The following TXNL4B variants were observed in gnomAD, a reference collection of about 807,000 sequenced individuals.
TXNL4B encodes thioredoxin like 4B.
A neutral mutation model predicts 13.0 loss-of-function variants in TXNL4B; 12 were observed. That is an observed-to-expected ratio of 0.92 (90% CI 0.59 to 1.49). The LOEUF (loss-of-function observed/expected upper bound fraction) is 1.49, where lower values mean the gene tolerates loss of function less well. Ranked by LOEUF, TXNL4B falls within the 40% of genes most tolerant of loss-of-function variation. The pLI, the probability that TXNL4B is intolerant of heterozygous loss-of-function variation, is 0.00. For missense variants in TXNL4B, 214 were observed against 173.6 expected (o/e 1.23, Z -1.31); for synonymous variants, 59 against 58.9 (o/e 1.00, Z -0.01).
rs376797075 is a variant in TXNL4B at position 72,088,121 on chromosome 16, GC to G, written c.284+865del. On this transcript the variant is annotated intron_variant, in intron 3 of 3. Transcript: ENST00000268483. ...CGCGTGAGCCACTGCGCCTGGCCAT[GC>G]CTGGCTAATTTTTGTATTTTTAGTA... is the stretch of plus-strand genomic sequence containing the variant. Among the ~76,000 whole-genome samples the G allele has an allele frequency of 7.2e-4, 109 of 151,962 alleles. 1 individual carries two copies. The South Asian group carries it at 0.022, about 31-fold the overall frequency.
chr16:72,086,140 G>A lies in TXNL4B; in HGVS notation c.*497C>T, dbSNP rs538699326. The A allele has an allele frequency of 6.5e-6, 1 of 152,712 alleles. No individual in the cohort carries two copies. Among genetic ancestry groups the A allele is most frequent in the South Asian group, 2.1e-4 (1 of 4,838 alleles). The allele number at this position is 152,712 out of a possible 1,614,324, so 9.5% of individuals were successfully genotyped here. ...CTACAGTAATACAGACTGGAGATGG[G>A]AAAGCACGAGGGATGTATGAGTCGA... On this transcript the variant is annotated 3_prime_UTR_variant, in exon 4 of 4. Coordinates refer to ENST00000268483, the MANE Select transcript of TXNL4B (RefSeq NM_017853.3).
chr16:72,086,629 T>A lies in TXNL4B; in HGVS notation c.*8A>T, dbSNP rs763009457. ...CCTTCTTCTTCATCTTTGACAGCAA[T>A]TAATGTACTAAATGTCTTGATAGAG... On this transcript the variant is annotated 3_prime_UTR_variant, in exon 4 of 4. Transcript: ENST00000268483. 1 of 1,607,942 alleles carries A rather than the reference T, an allele frequency of 6.2e-7. No homozygotes were observed. The highest frequency in any genetic ancestry group is 1.7e-4 in the Middle Eastern group (1 of 6,036).
At chr16:72,089,987 T>C (rs152828) in intron 2 of TXNL4B, 386,564 of 419,872 alleles carry the variant, frequency 0.92, 178,257 homozygotes, top group East Asian at 0.98. Context: ...TTCCTCCTGC[T>C]TATGACTGAG....
chr16:72,087,689 G>A (rs902768020), intron 3 of TXNL4B, among the ~76,000 whole-genome samples: 34 of 151,716 alleles, frequency 2.2e-4, no homozygotes, highest in African/African-American at 8.2e-4. Flanking sequence ...GTTTTGCGAT[G>A]GAGCCTTGCT....
chr16:72,090,751 T>G lies in TXNL4B; in HGVS notation c.-2A>C. 1 of 1,614,136 alleles carries G rather than the reference T, an allele frequency of 6.2e-7. No individual in the cohort carries two copies. Among genetic ancestry groups the G allele is most frequent in the Non-Finnish European group, 8.5e-7 (1 of 1,180,020 alleles). On this transcript the variant is annotated 5_prime_UTR_variant, in exon 2 of 4. Coordinates refer to ENST00000268483, the MANE Select transcript of TXNL4B (RefSeq NM_017853.3). Reference sequence around the variant, plus strand: ...CAGCTTGGGCAGTAGGAAGCTCATCTTGAAATAACCCAAATGTGAATCCTC... The same window carrying G: ...CAGCTTGGGCAGTAGGAAGCTCATCGTGAAATAACCCAAATGTGAATCCTC...
rs374817780 is a variant in TXNL4B, at chr16:72,085,992, A to G, written c.*645T>C. 4 of 148,392 alleles carry G rather than the reference A, an allele frequency of 2.7e-5. No individual in the cohort carries two copies. The highest frequency in any genetic ancestry group is 1.0e-4 in the African/African-American group (4 of 40,066). 9.2% of individuals were successfully genotyped at this position (148,392 alleles called of 1,614,324 possible). A position where few individuals can be genotyped will look rare whatever the true frequency, so the allele number is the denominator to read the frequency against. ...CACTCCAGCCTGGGTGACAAGAGTG[A>G]CTCGGTCTCAAAAAAAAAAAAAAAA... On this transcript the variant is annotated 3_prime_UTR_variant, in exon 4 of 4. Transcript: ENST00000268483.
rs1261582289 is a variant in TXNL4B at position 72,093,616 on chromosome 16, A to C, written c.-287T>G. 6.6e-6 allele frequency: 1 copy of C among 150,534 alleles called. No individual in the cohort carries two copies. The highest frequency in any genetic ancestry group is 1.5e-5 in the Non-Finnish European group (1 of 67,884). 9.3% of individuals were successfully genotyped at this position (150,534 alleles called of 1,614,324 possible). On this transcript the variant is annotated 5_prime_UTR_variant, in exon 1 of 4. Coordinates refer to ENST00000268483, the MANE Select transcript of TXNL4B (RefSeq NM_017853.3). ...GTCGGCCCCCGCTCAACAGCCCAAT[A>C]AACGGAAGAGCTTCTAGTCACCGCC...
Position 72,089,139 on chromosome 16 carries a change from C to T in TXNL4B, c.133-1G>A. On this transcript the variant is annotated splice_acceptor_variant, in intron 2 of 3. Transcript: ENST00000268483. LOFTEE classifies it high-confidence loss of function. ...TTAAGTCAGAAGAGGTCTTAGAAAG[C>T]TGCAAATGACGAGAGAGACAAAGGT... 6.2e-7 allele frequency: 1 copy of T among 1,604,598 alleles called. No individual in the cohort carries two copies. Among genetic ancestry groups the T allele is most frequent in the Non-Finnish European group, 8.5e-7 (1 of 1,174,392 alleles).
chr16:72,093,952 G>A (rs896993488), upstream of TXNL4B: 2 of 152,362 alleles, frequency 1.3e-5, no homozygotes, highest in Non-Finnish European at 2.9e-5. Flanking sequence ...CCGCTTTCAA[G>A]GTGTGGATTT....
chr16:72,089,353 T>C (rs1447965937), intron 2 of TXNL4B, among the ~76,000 whole-genome samples: 1 of 152,170 alleles, frequency 6.6e-6, no homozygotes, highest in Non-Finnish European at 1.5e-5. Flanking sequence ...GAAAACTGTA[T>C]GAGGTTAGGA....
intron 1 of TXNL4B, among the ~76,000 whole-genome samples, chr16:72,091,313 G>C (rs1434342899): frequency 6.6e-6 from 1 of 152,168 alleles, no homozygotes; most frequent in African/African-American, 2.4e-5. Flanking sequence ...AAAGAGGTGA[G>C]TGGAGAGGAC....
Position 72,090,651 on chromosome 16 carries a change from A to G in TXNL4B, c.99T>C (p.Asp33=). The change falls in exon 2 of 4, where the codon GAT becomes GAC. Residue 33 remains aspartate (D), a synonymous_variant. Coordinates refer to ENST00000268483, the MANE Select transcript of TXNL4B (RefSeq NM_017853.3). ...EKVLVLRFGR[D]EDPVCLQLDD... is the part of the protein sequence containing the mutation. ...CTAGCTGCAGACAGACAGGATCTTC[A>G]TCTCTCCCAAACCTGAGAACCAACA... 2.5e-6 allele frequency: 4 copies of G among 1,614,184 alleles called. No homozygotes were observed. Among genetic ancestry groups the G allele is most frequent in the Non-Finnish European group, 2.5e-6 (3 of 1,180,020 alleles).
At chr16:72,088,312 A>T (rs2041853294) in intron 3 of TXNL4B, among the ~76,000 whole-genome samples, 1 of 152,268 alleles carries the variant, frequency 6.6e-6, no homozygotes, top group Non-Finnish European at 1.5e-5. Context: ...AAATAAAGAC[A>T]AAAAGGGTAC....
intron 1 of TXNL4B, 79 bp from the exon 2 acceptor site, chr16:72,090,865 T>A: frequency 8.8e-7 from 1 of 1,134,932 alleles, no homozygotes; most frequent in Non-Finnish European, 1.3e-6. Flanking sequence ...ATTCACAGAG[T>A]AGCTAATGTA....
chr16:72,088,886 G>T, intron 3 of TXNL4B, 101 bp downstream of exon 3: 1 of 874,304 alleles, frequency 1.1e-6, no homozygotes, highest in Non-Finnish European at 1.8e-6. Flanking sequence ...ACTGATATAA[G>T]ACTCACAGAG....
intron 3 of TXNL4B, 66 bp downstream of exon 3, chr16:72,088,921 G>A (rs1390181806): frequency 2.3e-6 from 3 of 1,292,828 alleles, no homozygotes; most frequent in Non-Finnish European, 2.2e-6. Flanking sequence ...AAATAGGCAA[G>A]CTACTGAAAA....
chr16:72,086,576 C>T lies in TXNL4B; in HGVS notation c.*61G>A. The stretch of plus-strand genomic sequence containing the variant: ...AAAGGACTCCAGAAACACAGCACAG[C>T]TGGATTCAGGTACTGTGTCAAGATG... On this transcript the variant is annotated 3_prime_UTR_variant, in exon 4 of 4. Transcript: ENST00000268483. 1 of 1,481,106 alleles carries T rather than the reference C, an allele frequency of 6.8e-7. No homozygotes were observed. 91.7% of individuals were successfully genotyped at this position (1,481,106 alleles called of 1,614,324 possible).
chr16:72,090,528 C>G, intron 2 of TXNL4B, 90 bp downstream of exon 2: 3 of 1,389,002 alleles, frequency 2.2e-6, no homozygotes, highest in Non-Finnish European at 3.0e-6. Context: ...ATACCCAACC[C>G]TGACTACTCC....
chr16:72,092,130 A>C (rs1406897804), intron 1 of TXNL4B, among the ~76,000 whole-genome samples: 1 of 152,178 alleles, frequency 6.6e-6, no homozygotes, highest in African/African-American at 2.4e-5. Context: ...TTAAGATACG[A>C]ATTAGGCCAG....
Sources: allele counts gnomAD v4.1 joint callset (sites outside exome capture counted in the v4.1 genomes callset), GRCh38; gene constraint gnomAD v4.1.1; transcripts MANE v1.5; gene names NCBI Gene and HGNC (gene_info 2026-07-23, HGNC 2026-07-21).